The following COL4A6 variants were observed in gnomAD, a reference collection of about 807,000 sequenced individuals.
COL4A6 encodes collagen alpha-6(IV) chain.
Under a neutral mutation model 126.7 loss-of-function variants are expected in COL4A6, and 59 were observed. That is an observed-to-expected ratio of 0.47 (90% CI 0.38 to 0.58). COL4A6 has a LOEUF of 0.58. COL4A6 is among the 20% of genes least tolerant of loss of function. COL4A6 has a pLI of 0.00. For synonymous variants in COL4A6, 547 were observed against 496.6 expected, an observed-to-expected ratio of 1.10 and a Z score of -1.35; for missense variants, 1,285 against 1,337.3, an observed-to-expected ratio of 0.96 and a Z score of 0.61.
intron 3 of COL4A6, among the ~76,000 whole-genome samples, chrX:108,245,561 G>A (rs1307216272): frequency 8.9e-6 from 1 of 112,108 alleles, no homozygotes; most frequent in Non-Finnish European, 1.9e-5. Context: ...ACACTGAGAC[G>A]ATGGAGGATT....
intron 2 of COL4A6, chrX:108,383,627 A>G: frequency 1.8e-6 from 1 of 549,297 alleles, no homozygotes; most frequent in Non-Finnish European, 3.1e-6. Context: ...AAAATGGGGC[A>G]CTATGCTGAC....
chrX:108,377,097 G>A (rs1244195475), intron 2 of COL4A6, among the ~76,000 whole-genome samples: 1 of 112,812 alleles, frequency 8.9e-6, no homozygotes, highest in Non-Finnish European at 1.9e-5. Context: ...AGACAATAGG[G>A]TAATAGTGGA....
intron 2 of COL4A6, among the ~76,000 whole-genome samples, chrX:108,429,038 A>G (rs187577358): frequency 8.9e-6 from 1 of 112,455 alleles, no homozygotes; most frequent in African/African-American, 3.2e-5. Flanking sequence ...AAACAACTTA[A>G]AAGTCTATGG....
chrX:108,369,518 T>C (rs766403305), intron 2 of COL4A6, among the ~76,000 whole-genome samples: 28 of 111,714 alleles, frequency 2.5e-4, no homozygotes, highest in South Asian at 1.1e-3. Flanking sequence ...TTGCTCCCCA[T>C]TGCAACCCAG....
intron 2 of COL4A6, among the ~76,000 whole-genome samples, chrX:108,368,948 T>C (rs1375937249): frequency 9.0e-6 from 1 of 111,694 alleles, no homozygotes; most frequent in African/African-American, 3.3e-5. Context: ...CTGAAGGACC[T>C]GTCAGAGGCT....
intron 3 of COL4A6, among the ~76,000 whole-genome samples, chrX:108,230,784 A>T (rs971926487): frequency 8.9e-6 from 1 of 111,906 alleles, no homozygotes; most frequent in Non-Finnish European, 1.9e-5. Context: ...GAAGAGTTAC[A>T]TCAGAGCCTC....
chrX:108,370,422 G>A (rs1401968088), intron 2 of COL4A6, among the ~76,000 whole-genome samples: 1 of 111,326 alleles, frequency 9.0e-6, no homozygotes, highest in Admixed American at 9.6e-5. Flanking sequence ...AATAGGAGGT[G>A]AGATCCCTGT....
Position 108,214,101 on chromosome X carries a change from T to C in COL4A6, c.441+11A>G. The C allele has an allele frequency of 8.5e-7, 1 of 1,174,337 alleles. No homozygotes were observed. Among genetic ancestry groups the C allele is most frequent in the South Asian group, 1.8e-5 (1 of 55,481 alleles). The stretch of plus-strand genomic sequence containing the variant: ...CCATTTGAAATAAAATGCAAATATC[T>C]GGCAGCATACGGGTGGTCCGAGAAG... On this transcript the variant is annotated intron_variant, in intron 6 of 44. Transcript: ENST00000334504.
intron 3 of COL4A6, among the ~76,000 whole-genome samples, chrX:108,275,091 C>A (rs1317579853): frequency 9.0e-6 from 1 of 110,889 alleles, no homozygotes; most frequent in Non-Finnish European, 1.9e-5. Context: ...AGGATGTTAA[C>A]ACTAATCATC....
chrX:108,211,335 GACA>G (rs766487953), intron 7 of COL4A6, among the ~76,000 whole-genome samples: 2 of 112,473 alleles, frequency 1.8e-5, no homozygotes, highest in African/African-American at 6.5e-5. Context: ...AAGGAATACA[GACA>G]ACAAGGATTC....
At position 108,296,804 on chromosome X, in the gene COL4A6, G is replaced by T. The variant is rs1228040544; in HGVS notation, c.144+13944C>A. Among the ~76,000 whole-genome samples, 11 of 111,901 alleles carry T rather than the reference G, an allele frequency of 9.8e-5. No individual in the cohort carries two copies. The Admixed American group carries it at 1.0e-3, about 11-fold the overall frequency. On this transcript the variant is annotated intron_variant, in intron 3 of 44. Coordinates refer to ENST00000334504, the MANE Select transcript of COL4A6 (RefSeq NM_033641.4). The stretch of plus-strand genomic sequence containing the variant: ...TTCATTCATTCAACAAAACAAATCA[G>T]ACCAAGCCCTCTACTCTTGGAACAA...
chrX:108,225,824 G>T (rs755086554), intron 3 of COL4A6, among the ~76,000 whole-genome samples: 8 of 112,656 alleles, frequency 7.1e-5, no homozygotes, highest in African/African-American at 2.3e-4. Context: ...CTCCGTTAAG[G>T]TTCCAGTGTT....
Position 108,419,199 on chromosome X carries a change from T to C in COL4A6, c.63+18743A>G, listed in dbSNP as rs754352378. Among the ~76,000 whole-genome samples the C allele has an allele frequency of 2.7e-5, 3 of 112,441 alleles. No homozygotes were observed. The East Asian group carries it at 8.3e-4, about 31-fold the overall frequency. The stretch of plus-strand genomic sequence containing the variant: ...TGTCACCAGGCTATTGATTTCATTT[T>C]TAATTTTAATCCTGGAACATTGCCT... On this transcript the variant is annotated intron_variant, in intron 2 of 44. Coordinates refer to ENST00000334504, the MANE Select transcript of COL4A6 (RefSeq NM_033641.4).
intron 3 of COL4A6, among the ~76,000 whole-genome samples, chrX:108,250,444 C>A (rs1270472434): frequency 9.0e-6 from 1 of 111,154 alleles, no homozygotes; most frequent in Non-Finnish European, 1.9e-5. Flanking sequence ...TTAATTCTAG[C>A]CCCCTTGTCA....
chrX:108,218,973 A>T (rs1036176777), intron 5 of COL4A6, among the ~76,000 whole-genome samples: 6 of 112,638 alleles, frequency 5.3e-5, no homozygotes, highest in Non-Finnish European at 1.1e-4. Flanking sequence ...AACTAAAAAA[A>T]GATAGCCAGT....
chrX:108,428,876 A>C (rs2064132387), intron 2 of COL4A6, among the ~76,000 whole-genome samples: 1 of 112,035 alleles, frequency 8.9e-6, no homozygotes, highest in Admixed American at 9.5e-5. Flanking sequence ...AAATCAGTGA[A>C]TATGAAGCTA....
intron 3 of COL4A6, among the ~76,000 whole-genome samples, chrX:108,243,049 TA>T (rs35913492): frequency 5.5e-5 from 6 of 109,750 alleles, no homozygotes; most frequent in African/African-American, 9.9e-5. Flanking sequence ...GGAATCCTGT[TA>T]AAAAAAAAGG....
upstream of COL4A6, chrX:108,438,571 C>T: frequency 1.7e-6 from 1 of 593,498 alleles, no homozygotes; most frequent in Non-Finnish European, 2.3e-6. Context: ...CACAGCTTCA[C>T]ACACAGCCCC....
chrX:108,157,263 G>A lies in COL4A6; in HGVS notation c.4813-3C>T, dbSNP rs1255267423. The A allele has an allele frequency of 3.3e-6, 4 of 1,206,097 alleles. No homozygotes were observed. In the African/African-American group the frequency reaches 5.3e-5, roughly 16 times the overall value. On this transcript the variant is annotated splice_region_variant and splice_polypyrimidine_tract_variant and intron_variant, in intron 44 of 44. Transcript: ENST00000334504. ...CCCTCGGCACCAGCGGCAGTGTGCTGAAACAGACAGGAGATTAGTGCATGA... is the reference window on the plus strand; with the variant it reads ...CCCTCGGCACCAGCGGCAGTGTGCTAAAACAGACAGGAGATTAGTGCATGA...
Sources: allele counts gnomAD v4.1 joint callset (sites outside exome capture counted in the v4.1 genomes callset), GRCh38; gene constraint gnomAD v4.1.1; transcripts MANE v1.5; gene names NCBI Gene and HGNC (gene_info 2026-07-23, HGNC 2026-07-21).